Variants in MGAT5 observed in about 807,000 individuals in gnomAD.
The protein encoded by MGAT5 is alpha-1,6-mannosylglycoprotein 6-beta-N-acetylglucosaminyltransferase A.
A neutral mutation model predicts 94.3 loss-of-function variants in MGAT5; 30 were observed. The ratio of observed to expected loss-of-function variants is 0.32; its 90% CI spans 0.24 to 0.43. The LOEUF is 0.43. Among genes scored for constraint, MGAT5 ranks in the 20% least tolerant of loss-of-function variants. MGAT5 has a pLI of 1.00. For missense variants in MGAT5, 691 were observed against 905.5 expected, an observed-to-expected ratio of 0.76 and a Z score of 3.04; for synonymous variants, 310 against 322.9, an observed-to-expected ratio of 0.96 and a Z score of 0.43.
At chr2:134,130,027 T>C (rs939703689) in intron 1 of MGAT5, among the ~76,000 whole-genome samples, 1 of 152,104 alleles carries the variant, frequency 6.6e-6, no homozygotes, top group African/African-American at 2.4e-5. Context: ...GGCCCCGCAC[T>C]CGGAGCGGCC....
intron 1 of MGAT5, among the ~76,000 whole-genome samples, chr2:134,209,156 T>TTTTTA (rs1680178847): frequency 5.0e-5 from 1 of 20,182 alleles, no homozygotes; most frequent in Non-Finnish European, 6.9e-5. Flanking sequence ...TTTTTTATTT[T>TTTTTA]TTTTTTTTTT....
intron 2 of MGAT5, among the ~76,000 whole-genome samples, chr2:134,274,500 A>ATGTGATAGTTATAATCCTAGAT (rs1558751514): frequency 9.2e-5 from 14 of 151,880 alleles, no homozygotes; most frequent in Admixed American, 3.9e-4. Context: ...ACAATCCTAG[A>ATGTGATAGTTATAATCCTAGAT]TGTGATAGTT....
chr2:134,270,785 T>C (rs770928064), intron 2 of MGAT5, among the ~76,000 whole-genome samples: 1 of 152,252 alleles, frequency 6.6e-6, no homozygotes, highest in Non-Finnish European at 1.5e-5. Context: ...CATTTGCTCT[T>C]AATGAGCTCC....
intron 10 of MGAT5, among the ~76,000 whole-genome samples, chr2:134,382,462 T>G (rs2106210111): frequency 6.6e-6 from 1 of 152,228 alleles, no homozygotes; most frequent in South Asian, 2.1e-4. Flanking sequence ...ATCGTGTGCC[T>G]GAAAATCATG....
intron 11 of MGAT5, among the ~76,000 whole-genome samples, chr2:134,408,846 C>G (rs1326337131): frequency 6.6e-6 from 1 of 152,158 alleles, no homozygotes; most frequent in African/African-American, 2.4e-5. Flanking sequence ...AAAGGGATGC[C>G]TATTACCAGA....
At chr2:134,202,482 C>A (rs1210859698) in intron 1 of MGAT5, among the ~76,000 whole-genome samples, 3 of 152,198 alleles carry the variant, frequency 2.0e-5, no homozygotes, top group Non-Finnish European at 4.4e-5. Flanking sequence ...GAGCTATGAG[C>A]AGTAAATTTC....
chr2:134,443,485 C>T (rs974466821), intron 15 of MGAT5, among the ~76,000 whole-genome samples: 2 of 152,236 alleles, frequency 1.3e-5, no homozygotes, highest in Non-Finnish European at 2.9e-5. Context: ...AGCCATCGTG[C>T]CCGGCCCTGG....
chr2:134,313,087 CACACATAT>C (rs1558781900), intron 2 of MGAT5, among the ~76,000 whole-genome samples: 1 of 97,424 alleles, frequency 1.0e-5, no homozygotes, highest in African/African-American at 3.9e-5. Flanking sequence ...CACACACACA[CACACATAT>C]CTGTCTGGTT....
chr2:134,174,696 G>A (rs1688376126), intron 1 of MGAT5, among the ~76,000 whole-genome samples: 1 of 152,210 alleles, frequency 6.6e-6, no homozygotes. Flanking sequence ...CACCTTCATT[G>A]TCTCTGCTCA....
rs919394342 is a variant in MGAT5 at position 134,452,729 on chromosome 2, T to C, written c.*3882T>C. ...TGTTAACGACAGGCTCTGTTGTATG[T>C]GTTACTATCCCAAGCCTGGATTATT... On this transcript the variant is annotated 3_prime_UTR_variant, in exon 16 of 16. Coordinates refer to ENST00000281923, the MANE Select transcript of MGAT5 (RefSeq NM_002410.5). 3.5e-4 allele frequency: 53 copies of C among 152,234 alleles called. No homozygotes were observed. The highest frequency in any genetic ancestry group is 1.2e-3 in the African/African-American group (51 of 41,464). The allele number at this position is 152,234 out of a possible 1,614,324, so 9.4% of individuals were successfully genotyped here.
intron 1 of MGAT5, among the ~76,000 whole-genome samples, chr2:134,167,160 A>G (rs1688000370): frequency 6.6e-6 from 1 of 152,230 alleles, no homozygotes; most frequent in Non-Finnish European, 1.5e-5. Context: ...ATTACATCAG[A>G]AATAACAGGC....
chr2:134,249,028 G>A (rs1206286040), intron 1 of MGAT5, among the ~76,000 whole-genome samples: 1 of 151,876 alleles, frequency 6.6e-6, no homozygotes, highest in Non-Finnish European at 1.5e-5. Flanking sequence ...TTGATCCAGA[G>A]GTTATAAGAG....
chr2:134,377,803 T>G (rs1345530507), intron 10 of MGAT5, among the ~76,000 whole-genome samples: 1 of 152,196 alleles, frequency 6.6e-6, no homozygotes, highest in Non-Finnish European at 1.5e-5. Context: ...TGTTTTTCCA[T>G]TCCTGTTAGC....
At chr2:134,424,721 T>C (rs1684481825) in intron 13 of MGAT5, among the ~76,000 whole-genome samples, 1 of 152,206 alleles carries the variant, frequency 6.6e-6, no homozygotes, top group Admixed American at 6.5e-5. Flanking sequence ...GCAAGAAGTC[T>C]GAAGTCAAAA....
chr2:134,287,044 T>G (rs529570078), intron 2 of MGAT5, among the ~76,000 whole-genome samples: 1 of 152,228 alleles, frequency 6.6e-6, no homozygotes, highest in Non-Finnish European at 1.5e-5. Flanking sequence ...GTGAACTGTT[T>G]ATTGAGTAGT....
chr2:134,317,356 C>G (rs896341069), intron 2 of MGAT5, among the ~76,000 whole-genome samples, 173 bp from the exon 3 acceptor site: 1 of 152,148 alleles, frequency 6.6e-6, no homozygotes, highest in African/African-American at 2.4e-5. Flanking sequence ...GGTCAGTCAT[C>G]ACTCTGGACC....
intron 9 of MGAT5, among the ~76,000 whole-genome samples, chr2:134,359,109 GTT>G (rs1425450882): frequency 6.6e-6 from 1 of 152,180 alleles, no homozygotes; most frequent in East Asian, 1.9e-4. Context: ...ATCTCCTGCA[GTT>G]TTTTAGCATG....
intron 1 of MGAT5, among the ~76,000 whole-genome samples, chr2:134,157,215 A>G (rs1478397152): frequency 6.6e-6 from 1 of 152,200 alleles, no homozygotes; most frequent in Non-Finnish European, 1.5e-5. Context: ...TAATAGTATC[A>G]TGCCAATGTT....
At chr2:134,325,485 T>A (rs2105928640) in intron 4 of MGAT5, among the ~76,000 whole-genome samples, 1 of 152,248 alleles carries the variant, frequency 6.6e-6, no homozygotes, top group South Asian at 2.1e-4. Flanking sequence ...CGGTCTCATT[T>A]CATTTATAAC....
Sources: gnomAD v4.1 joint callset for allele counts (sites outside exome capture counted in the v4.1 genomes callset) on GRCh38, gnomAD v4.1.1 for gene constraint, MANE v1.5 for transcripts, NCBI Gene and HGNC (gene_info 2026-07-23, HGNC 2026-07-21) for gene names.